The following CA12 variants were observed in gnomAD, a reference collection of about 807,000 sequenced individuals.
The protein encoded by CA12 is carbonate dehydratase XII.
CA12 carries 36 observed loss-of-function variants against 46.8 expected under a neutral mutation model. That is an observed-to-expected ratio of 0.77 (90% confidence interval 0.59 to 1.02). CA12 has a LOEUF of 1.02. CA12 is among the 50% of genes least tolerant of loss of function. The pLI is 0.00. For synonymous variants in CA12, 202 were observed against 187.0 expected, an observed-to-expected ratio of 1.08 and a Z score of -0.65; for missense variants, 436 against 451.4, an observed-to-expected ratio of 0.97 and a Z score of 0.31.
Position 63,341,533 on chromosome 15 carries a change from C to T in CA12, c.525+469G>A, listed in dbSNP as rs112821936. On this transcript the variant is annotated intron_variant, in intron 5 of 10. Transcript: ENST00000178638. This position sits in a 1 kb window ranked among gnomAD's most constrained non-coding sequence, Gnocchi z 5.2. Reference sequence around the variant, plus strand: ...TTTCATCCCAAAACCATCTCCCTCCCTGGTCCATGGTCCGTGGAAAAATTG... The same window carrying T: ...TTTCATCCCAAAACCATCTCCCTCCTTGGTCCATGGTCCGTGGAAAAATTG... Among the ~76,000 whole-genome samples the T allele has an allele frequency of 4.5e-4, 69 of 152,362 alleles. No individual in the cohort carries two copies. Among genetic ancestry groups the T allele is most frequent in the Non-Finnish European group, 6.9e-4 (47 of 68,044 alleles).
At chr15:63,356,802 C>A (rs756615262) in intron 2 of CA12, among the ~76,000 whole-genome samples, 3 of 152,148 alleles carry the variant, frequency 2.0e-5, no homozygotes, top group Non-Finnish European at 4.4e-5. Flanking sequence ...AGCCAACACG[C>A]CTGGCCTGAT....
rs796869936 is a variant in CA12, at chr15:63,372,179, G to A, written c.106+3479C>T. On this transcript the variant is annotated intron_variant, in intron 2 of 10. Coordinates refer to ENST00000178638, the MANE Select transcript of CA12 (RefSeq NM_001218.5). The surrounding 1 kb of genome is among the most constrained non-coding windows in gnomAD (Gnocchi z 4.5). Reference sequence around the variant, plus strand: ...CTTAGCTCACATGACAACCTGACCTGCAGCTGTCCTCAGTTCACAGCAAGT... The same window carrying A: ...CTTAGCTCACATGACAACCTGACCTACAGCTGTCCTCAGTTCACAGCAAGT... Among the ~76,000 whole-genome samples, 62 of 152,288 alleles carry A rather than the reference G, an allele frequency of 4.1e-4. No individual in the cohort carries two copies. Among genetic ancestry groups the A allele is most frequent in the African/African-American group, 1.5e-3 (61 of 41,548 alleles).
intron 2 of CA12, among the ~76,000 whole-genome samples, chr15:63,354,548 AC>A (rs2039271775): frequency 6.6e-6 from 1 of 151,964 alleles, no homozygotes; most frequent in South Asian, 2.1e-4. Flanking sequence ...ACATAGCAAG[AC>A]CCCATCTCTA....
chr15:63,366,418 A>T (rs2039435602), intron 2 of CA12, among the ~76,000 whole-genome samples: 1 of 152,108 alleles, frequency 6.6e-6, no homozygotes, highest in African/African-American at 2.4e-5. Flanking sequence ...GCCTTCTTTA[A>T]TCCTTTCCTC....
At chr15:63,380,341 A>G (rs1042498675) in intron 1 of CA12, among the ~76,000 whole-genome samples, 1 of 152,136 alleles carries the variant, frequency 6.6e-6, no homozygotes, top group East Asian at 1.9e-4. Flanking sequence ...AGGGAAGGGC[A>G]GGAAAAGAGA....
rs2152621290 is a variant in CA12, at chr15:63,355,405, G to A, written c.107-8696C>T. The stretch of plus-strand genomic sequence containing the variant: ...GTTCTCAAAGCGTGGCTCCAGACAA[G>A]CATTATCATCACCGCCTAGGAACTC... On this transcript the variant is annotated intron_variant, in intron 2 of 10. Coordinates refer to ENST00000178638, the MANE Select transcript of CA12 (RefSeq NM_001218.5). The surrounding 1 kb of genome is among the most constrained non-coding windows in gnomAD (Gnocchi z 4.1). Among the ~76,000 whole-genome samples, 1 of 152,302 alleles carries A rather than the reference G, an allele frequency of 6.6e-6. No individual in the cohort carries two copies. Among genetic ancestry groups the A allele is most frequent in the Non-Finnish European group, 1.5e-5 (1 of 68,028 alleles).
At chr15:63,342,525 C>A (rs1409032677) in intron 4 of CA12, among the ~76,000 whole-genome samples, 1 of 152,190 alleles carries the variant, frequency 6.6e-6, no homozygotes, top group Admixed American at 6.5e-5. Flanking sequence ...ATACAAGTAG[C>A]AGGCTTCAGA....
At chr15:63,363,481 C>T (rs2019976) in intron 2 of CA12, among the ~76,000 whole-genome samples, 39,882 of 152,232 alleles carry the variant, frequency 0.26, 6,149 homozygotes, top group East Asian at 0.56. Flanking sequence ...ACGCTGACCC[C>T]TAAGCTGTGC....
chr15:63,363,880 A>T (rs1399256532), intron 2 of CA12, among the ~76,000 whole-genome samples: 1 of 152,124 alleles, frequency 6.6e-6, no homozygotes, highest in East Asian at 1.9e-4. Context: ...CATTCCACTA[A>T]AAGGCTTATC....
At chr15:63,365,280 C>A (rs2039423039) in intron 2 of CA12, among the ~76,000 whole-genome samples, 1 of 152,240 alleles carries the variant, frequency 6.6e-6, no homozygotes, top group Admixed American at 6.5e-5. Context: ...CCTGGCAAAT[C>A]TACACTATTT....
chr15:63,364,939 G>GGT (rs1158368719), intron 2 of CA12, among the ~76,000 whole-genome samples: 1 of 152,198 alleles, frequency 6.6e-6, no homozygotes, highest in African/African-American at 2.4e-5. Context: ...CAACTGCACT[G>GGT]GTGTGTGTGT....
At position 63,360,178 on chromosome 15, in the gene CA12, G is replaced by A. The variant is rs181562418; in HGVS notation, c.107-13469C>T. On this transcript the variant is annotated intron_variant, in intron 2 of 10. Transcript: ENST00000178638. The stretch of plus-strand genomic sequence containing the variant: ...TACTCACAGCAGTAGCCAGAGTAAC[G>A]TTTGCACCTGTTTCCCCAGCCCCAG... Among the ~76,000 whole-genome samples the A allele has an allele frequency of 2.1e-3, 317 of 152,290 alleles. 1 individual carries two copies. Among genetic ancestry groups the A allele is most frequent in the South Asian group, 4.1e-3 (20 of 4,826 alleles).
rs1168935448 is a variant in CA12, at chr15:63,326,168, A to G, written c.*117T>C. On this transcript the variant is annotated 3_prime_UTR_variant, in exon 11 of 11. Transcript: ENST00000178638. ...CAGCAGAGGATCCCTGAGGCCTGGC[A>G]TGTTTGCAGATTGAGCTACAGAGAA... is the stretch of plus-strand genomic sequence containing the variant. 11 of 823,434 alleles carry G rather than the reference A, an allele frequency of 1.3e-5. No individual in the cohort carries two copies. The highest frequency in any genetic ancestry group is 2.3e-5 in the Non-Finnish European group (11 of 476,932). 51.0% of individuals were successfully genotyped at this position (823,434 alleles called of 1,614,324 possible). A position where few individuals can be genotyped will look rare whatever the true frequency, so the allele number is the denominator to read the frequency against.
Position 63,325,832 on chromosome 15 carries a change from A to T in CA12, c.*453T>A, listed in dbSNP as rs2038858318. On this transcript the variant is annotated 3_prime_UTR_variant, in exon 11 of 11. Transcript: ENST00000178638. The surrounding 1 kb of genome is among the most constrained non-coding windows in gnomAD (Gnocchi z 4.9). Reference sequence around the variant, plus strand: ...TCAGAGGGAGATGCCCCGTCTCCAGAGGAAAGAAGTTGAGTTTCCCAAGCA... The same window carrying T: ...TCAGAGGGAGATGCCCCGTCTCCAGTGGAAAGAAGTTGAGTTTCCCAAGCA... The T allele has an allele frequency of 4.6e-6, 1 of 215,400 alleles. No homozygotes were observed. The highest frequency in any genetic ancestry group is 5.1e-5 in the Admixed American group (1 of 19,550). 13.3% of individuals were successfully genotyped at this position (215,400 alleles called of 1,614,324 possible). A position where few individuals can be genotyped will look rare whatever the true frequency, so the allele number is the denominator to read the frequency against.
At chr15:63,356,527 CTT>C (rs1567049716) in intron 2 of CA12, among the ~76,000 whole-genome samples, 1 of 144,716 alleles carries the variant, frequency 6.9e-6, no homozygotes. Flanking sequence ...ACCAGCAATT[CTT>C]TTTTTTTTTT....
intron 8 of CA12, among the ~76,000 whole-genome samples, chr15:63,333,859 A>G (rs1203143364): frequency 1.3e-5 from 2 of 152,186 alleles, no homozygotes; most frequent in East Asian, 1.9e-4. Flanking sequence ...GAGCAAGCCC[A>G]CTAATGATGT....
At chr15:63,350,677 C>T (rs1382977900) in intron 2 of CA12, among the ~76,000 whole-genome samples, 1 of 152,332 alleles carries the variant, frequency 6.6e-6, no homozygotes, top group Non-Finnish European at 1.5e-5. Context: ...CAAAATGCCT[C>T]TCGTGATTTC....
chr15:63,368,428 A>G (rs531164885), intron 2 of CA12, among the ~76,000 whole-genome samples: 25 of 152,294 alleles, frequency 1.6e-4, no homozygotes, highest in Non-Finnish European at 3.1e-4. Flanking sequence ...CTAAGACTGC[A>G]GGATCCCGAG....
In CA12 at chr15:63,329,170, T is replaced by C. The variant is rs2038905332; in HGVS notation, c.875-1040A>G. Among the ~76,000 whole-genome samples, 1 of 152,242 alleles carries C rather than the reference T, an allele frequency of 6.6e-6. No homozygotes were observed. The highest frequency in any genetic ancestry group is 2.4e-5 in the African/African-American group (1 of 41,466). ...CAGCCCATCAGCTTGTCATCATGGT[T>C]TGGTTCTATTTTTGCTTTGTCCCTC... On this transcript the variant is annotated intron_variant, in intron 8 of 10. Transcript: ENST00000178638. This position sits in a 1 kb window ranked among gnomAD's most constrained non-coding sequence, Gnocchi z 4.8.
Sources: gnomAD v4.1 joint callset for allele counts (sites outside exome capture counted in the v4.1 genomes callset) on GRCh38, gnomAD v4.1.1 for gene constraint, Gnocchi (gnomAD v3.1) non-coding constraint, MANE v1.5 for transcripts, NCBI Gene and HGNC (gene_info 2026-07-23, HGNC 2026-07-21) for gene names.